Variants in SLC24A2 observed in about 807,000 individuals in gnomAD.
SLC24A2 encodes solute carrier family 24 member 2.
In SLC24A2, 36 loss-of-function variants were observed where a neutral mutation model predicts 62.0. That is an observed-to-expected ratio of 0.58 (90% CI 0.44 to 0.77). SLC24A2 has a LOEUF of 0.77. Ranked by LOEUF, SLC24A2 falls within the 30% of genes least tolerant of loss-of-function variation. The pLI is 0.00. For synonymous variants in SLC24A2, 358 were observed against 294.0 expected (o/e 1.22, Z -2.23); for missense variants, 846 against 817.9 (o/e 1.03, Z -0.42).
chr9:19,521,205 A>G, intron 9 of SLC24A2, 145 bp from the exon 10 acceptor site: 1 of 758,652 alleles, frequency 1.3e-6, no homozygotes, highest in Non-Finnish European at 2.3e-6. Flanking sequence ...AATAAGCCAC[A>G]GTCATTGCTA....
chr9:19,915,429 A>T, the SLC24A2 span, among the ~76,000 whole-genome samples: 2 of 152,074 alleles, frequency 1.3e-5, no homozygotes, highest in African/African-American at 4.8e-5. Flanking sequence ...ATATATTTTC[A>T]ATTCTCTTGG....
At chr9:20,141,334 G>C in the SLC24A2 span, among the ~76,000 whole-genome samples, 1 of 151,970 alleles carries the variant, frequency 6.6e-6, no homozygotes, top group Non-Finnish European at 1.5e-5. Flanking sequence ...GTAGGGACTT[G>C]ATCCTGCAGT....
chr9:20,213,880 G>A, the SLC24A2 span, among the ~76,000 whole-genome samples: 1 of 152,162 alleles, frequency 6.6e-6, no homozygotes, highest in African/African-American at 2.4e-5. Flanking sequence ...TGTAAGATAG[G>A]TATTATGATC....
chr9:20,261,894 C>G, the SLC24A2 span, among the ~76,000 whole-genome samples: 74 of 151,964 alleles, frequency 4.9e-4, no homozygotes, highest in African/African-American at 1.7e-3. Context: ...CGCCCGCCAC[C>G]ACGCCTGGCT....
chr9:19,561,663 C>T (rs1301037698), intron 7 of SLC24A2, among the ~76,000 whole-genome samples: 1 of 151,950 alleles, frequency 6.6e-6, no homozygotes, highest in Non-Finnish European at 1.5e-5. Context: ...ACCTCCTGAC[C>T]TTGTGATCCA....
At chr9:19,983,892 G>C in the SLC24A2 span, among the ~76,000 whole-genome samples, 2 of 152,150 alleles carry the variant, frequency 1.3e-5, no homozygotes, top group Non-Finnish European at 2.9e-5. Flanking sequence ...GACATTCCAT[G>C]TTCATGAATT....
chr9:20,126,295 A>T, the SLC24A2 span, among the ~76,000 whole-genome samples: 18 of 152,276 alleles, frequency 1.2e-4, 1 homozygote, highest in South Asian at 3.5e-3. Flanking sequence ...GAAAATGTTC[A>T]TAGTTCTTCT....
the SLC24A2 span, among the ~76,000 whole-genome samples, chr9:20,021,798 T>C: frequency 6.6e-6 from 1 of 152,140 alleles, no homozygotes; most frequent in Non-Finnish European, 1.5e-5. Flanking sequence ...CAGTATATTA[T>C]TAGCAGGAGA....
chr9:19,790,666 T>TTCAAAACTG (rs1231342370), upstream of SLC24A2, among the ~76,000 whole-genome samples: 2 of 152,198 alleles, frequency 1.3e-5, no homozygotes, highest in Non-Finnish European at 2.9e-5. Context: ...GCTCATAATT[T>TTCAAAACTG]TCAAAACTGT....
chr9:19,875,269 C>G, the SLC24A2 span, among the ~76,000 whole-genome samples: 1 of 152,130 alleles, frequency 6.6e-6, no homozygotes, highest in Non-Finnish European at 1.5e-5. Context: ...CAGTGTACTT[C>G]TGCTTAGTAG....
the SLC24A2 span, among the ~76,000 whole-genome samples, chr9:20,213,391 T>C: frequency 6.0e-5 from 9 of 149,558 alleles, no homozygotes; most frequent in Non-Finnish European, 1.5e-5. Flanking sequence ...AAACAAAATA[T>C]AATAAACATT....
the SLC24A2 span, among the ~76,000 whole-genome samples, chr9:20,099,583 T>C: frequency 0.12 from 18,020 of 152,150 alleles, 1,177 homozygotes; most frequent in Middle Eastern, 0.17. Context: ...ACAGATTGTT[T>C]TGTGCTTGTA....
intron 7 of SLC24A2, among the ~76,000 whole-genome samples, chr9:19,568,908 A>G (rs2132832216): frequency 6.6e-6 from 1 of 152,330 alleles, no homozygotes; most frequent in East Asian, 1.9e-4. Context: ...GTTATTTGAC[A>G]GCATTCCAAG....
intron 4 of SLC24A2, among the ~76,000 whole-genome samples, chr9:19,598,255 G>A (rs925012706): frequency 6.6e-6 from 1 of 152,188 alleles, no homozygotes; most frequent in African/African-American, 2.4e-5. Flanking sequence ...ACATTAATTA[G>A]ACTCAAGAGA....
Position 19,510,971 on chromosome 9 carries a change from G to A in SLC24A2, c.*5182C>T, listed in dbSNP as rs1255605941. ...CTCTGTGGAGTTTGGGTGGTTCTGA[G>A]CAAGGCTGGTGCCCCATGTGTGAGG... On this transcript the variant is annotated 3_prime_UTR_variant, in exon 11 of 11. Coordinates refer to ENST00000341998, the MANE Select transcript of SLC24A2 (RefSeq NM_020344.4). The A allele has an allele frequency of 2.0e-5, 3 of 152,220 alleles. No individual in the cohort carries two copies. The highest frequency in any genetic ancestry group is 2.9e-5 in the Non-Finnish European group (2 of 68,074). 9.4% of individuals were successfully genotyped at this position (152,220 alleles called of 1,614,324 possible).
the SLC24A2 span, among the ~76,000 whole-genome samples, chr9:20,077,738 G>A: frequency 7.2e-5 from 11 of 152,300 alleles, no homozygotes; most frequent in South Asian, 1.9e-3. Flanking sequence ...AAGCTCCCAA[G>A]AGCATGTGAT....
chr9:19,908,065 CG>C, the SLC24A2 span, among the ~76,000 whole-genome samples: 1 of 152,170 alleles, frequency 6.6e-6, no homozygotes, highest in South Asian at 2.1e-4. Context: ...GGAGGCATCA[CG>C]TTACCTGACT....
At position 19,509,165 on chromosome 9, in the gene SLC24A2, A is replaced by G. The variant is rs982397784; in HGVS notation, c.*6988T>C. Reference sequence around the variant, plus strand: ...TTTCCATATGGGTGAACTTTGCTTTATATAACAAAATGGATTCCTGAAAAA... The same window carrying G: ...TTTCCATATGGGTGAACTTTGCTTTGTATAACAAAATGGATTCCTGAAAAA... On this transcript the variant is annotated 3_prime_UTR_variant, in exon 11 of 11. Transcript: ENST00000341998. 6.6e-6 allele frequency: 1 copy of G among 152,190 alleles called. No homozygotes were observed. The highest frequency in any genetic ancestry group is 2.4e-5 in the African/African-American group (1 of 41,446). The allele number at this position is 152,190 out of a possible 1,614,324, so 9.4% of individuals were successfully genotyped here. A position where few individuals can be genotyped will look rare whatever the true frequency, so the allele number is the denominator to read the frequency against.
At chr9:19,577,841 TTATATATATAAAA>T (rs1011724506) in intron 5 of SLC24A2, among the ~76,000 whole-genome samples, 32 of 148,252 alleles carry the variant, frequency 2.2e-4, no homozygotes, top group African/African-American at 7.6e-4. Flanking sequence ...TTATATATAG[TTATATATATAAAA>T]TATATATATA....
Sources: allele counts gnomAD v4.1 joint callset (sites outside exome capture counted in the v4.1 genomes callset), GRCh38; gene constraint gnomAD v4.1.1; transcripts MANE v1.5; gene names NCBI Gene and HGNC (gene_info 2026-07-23, HGNC 2026-07-21).